The following CNTN4 variants were observed in gnomAD, a reference collection of about 807,000 sequenced individuals.
CNTN4 encodes contactin-4.
CNTN4 carries 77 observed loss-of-function variants against 122.5 expected under a neutral mutation model. The observed-to-expected ratio is 0.63, with a 90% CI of 0.52 to 0.76. The LOEUF is 0.76. Among genes scored for constraint, CNTN4 ranks in the 30% least tolerant of loss-of-function variants. The pLI, the probability that CNTN4 is intolerant of heterozygous loss-of-function variation, is 0.00. For synonymous variants in CNTN4, 512 were observed against 447.0 expected (o/e 1.15, Z -1.83); for missense variants, 1,256 against 1,259.1 (o/e 1.00, Z 0.04).
intron 3 of CNTN4, among the ~76,000 whole-genome samples, chr3:2,506,916 C>T (rs1004138191): frequency 1.3e-5 from 2 of 151,834 alleles, no homozygotes; most frequent in Non-Finnish European, 2.9e-5. Context: ...TTTTATTTAG[C>T]GATCATGCCT....
intron 6 of CNTN4, among the ~76,000 whole-genome samples, chr3:2,752,968 T>C (rs891374295): frequency 3.9e-5 from 6 of 152,262 alleles, no homozygotes; most frequent in African/African-American, 1.4e-4. Flanking sequence ...TTTTTATGGC[T>C]GAATAATATT....
chr3:2,535,799 T>TA (rs1327780057), intron 3 of CNTN4, among the ~76,000 whole-genome samples: 1 of 152,154 alleles, frequency 6.6e-6, no homozygotes, highest in African/African-American at 2.4e-5. Flanking sequence ...CATGCATGTT[T>TA]AAGAGACCCC....
chr3:2,558,356 T>C (rs2078808678), intron 3 of CNTN4, among the ~76,000 whole-genome samples: 1 of 152,232 alleles, frequency 6.6e-6, no homozygotes, highest in Admixed American at 6.5e-5. Context: ...CATTTCTTCT[T>C]ACTCTTCTTG....
At chr3:2,232,029 A>C (rs563332337) in intron 2 of CNTN4, among the ~76,000 whole-genome samples, 1 of 152,150 alleles carries the variant, frequency 6.6e-6, no homozygotes, top group South Asian at 2.1e-4. Context: ...CATGTTTTAG[A>C]TATAGATATA....
intron 2 of CNTN4, among the ~76,000 whole-genome samples, chr3:2,216,804 A>G (rs905406551): frequency 3.0e-4 from 46 of 152,126 alleles, no homozygotes; most frequent in Admixed American, 2.9e-3. Flanking sequence ...TCCTCACTCC[A>G]TAGTTACGGC....
chr3:2,828,793 T>TGCA (rs1455951572), intron 7 of CNTN4, among the ~76,000 whole-genome samples: 1 of 152,106 alleles, frequency 6.6e-6, no homozygotes, highest in African/African-American at 2.4e-5. Context: ...TAGTCTGGAG[T>TGCA]GCAGTGGCAC....
At chr3:2,490,676 A>T (rs2076290331) in intron 3 of CNTN4, among the ~76,000 whole-genome samples, 3 of 152,194 alleles carry the variant, frequency 2.0e-5, no homozygotes, top group Non-Finnish European at 4.4e-5. Context: ...TTGCATTATA[A>T]GTAATTTTGT....
chr3:2,982,522 A>G (rs569337907), intron 13 of CNTN4, among the ~76,000 whole-genome samples: 24 of 152,128 alleles, frequency 1.6e-4, no homozygotes, highest in Middle Eastern at 3.4e-3. Context: ...TTGTCTTTGG[A>G]TGGCTTCCTT....
At chr3:2,753,537 T>C (rs960614106) in intron 6 of CNTN4, among the ~76,000 whole-genome samples, 13 of 152,222 alleles carry the variant, frequency 8.5e-5, no homozygotes, top group Non-Finnish European at 5.9e-5. Context: ...TCACCAAGGA[T>C]ACAGCAGTGG....
At chr3:2,676,569 T>C (rs1199112838) in intron 4 of CNTN4, among the ~76,000 whole-genome samples, 1 of 152,164 alleles carries the variant, frequency 6.6e-6, no homozygotes, top group African/African-American at 2.4e-5. Context: ...TTTGGAGGTA[T>C]GGGAGACAGC....
intron 3 of CNTN4, among the ~76,000 whole-genome samples, chr3:2,518,995 A>G (rs2077120594): frequency 6.6e-6 from 1 of 152,194 alleles, no homozygotes; most frequent in African/African-American, 2.4e-5. Context: ...ATATGGGGCA[A>G]CTAAAGAAAA....
At chr3:2,377,413 C>G (rs920438453) in intron 3 of CNTN4, among the ~76,000 whole-genome samples, 2 of 152,152 alleles carry the variant, frequency 1.3e-5, no homozygotes, top group Admixed American at 6.5e-5. Context: ...GCTTCCTCAC[C>G]CACACACAGG....
At position 2,257,854 on chromosome 3, in the gene CNTN4, G is replaced by T. The variant is rs900266634; in HGVS notation, c.-144-81324G>T. On this transcript the variant is annotated intron_variant, in intron 2 of 24. Transcript: ENST00000418658. ...CGAGGTGGGCCGATCACGAGGTCAG[G>T]AGTTGGATATCACCTGGGGCCTACA... 3.9e-5 allele frequency among the ~76,000 whole-genome samples: 6 copies of T among 152,096 alleles called. No individual in the cohort carries two copies. The South Asian group carries it at 1.2e-3, about 31-fold the overall frequency.
chr3:2,238,309 A>G (rs1321372270), intron 2 of CNTN4, among the ~76,000 whole-genome samples: 1 of 152,108 alleles, frequency 6.6e-6, no homozygotes, highest in Non-Finnish European at 1.5e-5. Flanking sequence ...ATATATAGCT[A>G]AATCTTATAT....
intron 4 of CNTN4, among the ~76,000 whole-genome samples, chr3:2,594,288 C>T (rs1195326448): frequency 6.6e-6 from 1 of 152,046 alleles, no homozygotes; most frequent in African/African-American, 2.4e-5. Flanking sequence ...CAATTCTATA[C>T]ACAAAGTACA....
intron 2 of CNTN4, among the ~76,000 whole-genome samples, chr3:2,225,516 AAAAC>A (rs1235624520): frequency 6.6e-5 from 10 of 151,990 alleles, no homozygotes; most frequent in Admixed American, 5.2e-4. Flanking sequence ...TCCATTTCAA[AAAAC>A]AAACAAACAA....
chr3:2,176,714 TA>T (rs1468876310), intron 2 of CNTN4, among the ~76,000 whole-genome samples: 5 of 152,262 alleles, frequency 3.3e-5, no homozygotes, highest in African/African-American at 9.6e-5. Context: ...TTTTGCTTTC[TA>T]ATTTCAGCGG....
rs1214979490 is a variant in CNTN4, at chr3:2,812,575, T to G, written c.359-6911T>G. 3.3e-5 allele frequency among the ~76,000 whole-genome samples: 5 copies of G among 150,918 alleles called. No homozygotes were observed. The South Asian group carries it at 8.3e-4, about 25-fold the overall frequency. ...TTTGTTTTTTTTGTTTTGTTTTGTT[T>G]TTTTGTTTTTTTGCCACAGTAGTGT... On this transcript the variant is annotated intron_variant, in intron 6 of 24. Transcript: ENST00000418658.
chr3:2,263,064 G>T (rs1189970919), intron 2 of CNTN4, among the ~76,000 whole-genome samples: 1 of 152,124 alleles, frequency 6.6e-6, no homozygotes, highest in Non-Finnish European at 1.5e-5. Context: ...AGGGCCATGT[G>T]TGGCTGCAAA....
Sources: gnomAD v4.1 joint callset for allele counts (sites outside exome capture counted in the v4.1 genomes callset) on GRCh38, gnomAD v4.1.1 for gene constraint, MANE v1.5 for transcripts, NCBI Gene and HGNC (gene_info 2026-07-23, HGNC 2026-07-21) for gene names.